RINT1: variants seen among roughly 807,000 people sequenced by gnomAD.
RINT1 encodes RAD50-interacting protein 1.
A neutral mutation model predicts 97.7 loss-of-function variants in RINT1; 75 were observed. That is an observed-to-expected ratio of 0.77 (90% CI 0.64 to 0.93). The LOEUF (loss-of-function observed/expected upper bound fraction) is 0.93, where lower values mean the gene tolerates loss of function less well. RINT1 is among the 40% of genes least tolerant of loss of function. The pLI is 0.00. For missense variants in RINT1, 892 were observed against 925.2 expected, an observed-to-expected ratio of 0.96 and a Z score of 0.47; for synonymous variants, 303 against 326.3, an observed-to-expected ratio of 0.93 and a Z score of 0.77.
At chr7:105,557,907 A>G (rs1408357157) in intron 11 of RINT1, among the ~76,000 whole-genome samples, 1 of 152,164 alleles carries the variant, frequency 6.6e-6, no homozygotes, top group African/African-American at 2.4e-5. Flanking sequence ...TTTTTTTCCT[A>G]TAAAAATAAC....
At chr7:105,552,198 T>C (rs920935546) in intron 10 of RINT1, among the ~76,000 whole-genome samples, 1 of 152,166 alleles carries the variant, frequency 6.6e-6, no homozygotes, top group African/African-American at 2.4e-5. Flanking sequence ...AATTTAAGGA[T>C]TTAAACATTG....
intron 4 of RINT1, 41 bp downstream of exon 4, chr7:105,542,690 T>C: frequency 6.2e-7 from 1 of 1,600,374 alleles, no homozygotes; most frequent in Non-Finnish European, 8.5e-7. Flanking sequence ...CTATTTTCCT[T>C]TGAGGCTTCT....
chr7:105,563,504 G>A (rs1002280921), intron 11 of RINT1, among the ~76,000 whole-genome samples: 1 of 152,042 alleles, frequency 6.6e-6, no homozygotes, highest in African/African-American at 2.4e-5. Flanking sequence ...GCTTATTTTT[G>A]TATTTTTAGT....
chr7:105,548,738 T>C (rs1790794251), intron 7 of RINT1, 28 bp downstream of exon 7: 1 of 1,572,290 alleles, frequency 6.4e-7, no homozygotes, highest in South Asian at 1.2e-5. Context: ...TTGTCCTTGG[T>C]TTTTATTGGT....
intron 4 of RINT1, 28 bp downstream of exon 4, chr7:105,542,677 T>G: frequency 6.2e-7 from 1 of 1,606,348 alleles, no homozygotes; most frequent in East Asian, 2.2e-5. Flanking sequence ...GTTCTCACAA[T>G]TACTATTTTC....
intron 2 of RINT1, chr7:105,535,794 T>A (rs1199797359): frequency 6.5e-6 from 2 of 306,016 alleles, no homozygotes; most frequent in Admixed American, 8.7e-5. Flanking sequence ...TGCCTTGGCC[T>A]CCCACAGTGC....
At chr7:105,536,465 T>A in intron 2 of RINT1, 100 bp from the exon 3 acceptor site, 1 of 877,632 alleles carries the variant, frequency 1.1e-6, no homozygotes, top group Non-Finnish European at 1.7e-6. Flanking sequence ...GGCAAAATTA[T>A]TAACTTTTGA....
chr7:105,558,941 C>G (rs945075111), intron 11 of RINT1, among the ~76,000 whole-genome samples: 2 of 151,982 alleles, frequency 1.3e-5, no homozygotes, highest in Admixed American at 1.3e-4. Context: ...GCCTGGGCAA[C>G]TCCCCCCGCC....
chr7:105,551,444 C>A, intron 9 of RINT1, 126 bp from the exon 10 acceptor site: 2 of 744,034 alleles, frequency 2.7e-6, no homozygotes, highest in Non-Finnish European at 4.2e-6. Flanking sequence ...TTTAGTACAA[C>A]CAGTGGGATA....
rs748983493 is a variant in RINT1 at position 105,536,628 on chromosome 7, A to T, written c.152A>T (p.Asp51Val). ...GTCAGTGAAGGTACAGATAATGGTG[A>T]TCTCCCTTCTTATGTGTCTGCATTC... ...KQVSEGTDNG[D>V]LPSYVSAFIE... The change falls in exon 3 of 15, where the codon GAT (aspartate) becomes GTT (valine). Residue 51 changes from aspartate to valine, a missense_variant. Transcript: ENST00000257700. The T allele has an allele frequency of 6.2e-7, 1 of 1,611,888 alleles. No individual in the cohort carries two copies. Among genetic ancestry groups the T allele is most frequent in the Non-Finnish European group, 8.5e-7 (1 of 1,178,836 alleles).
At chr7:105,541,354 C>G (rs1243459457) in intron 3 of RINT1, among the ~76,000 whole-genome samples, 1 of 151,504 alleles carries the variant, frequency 6.6e-6, no homozygotes, top group Non-Finnish European at 1.5e-5. Context: ...CCAGGCTGGT[C>G]TTGAACTCCT....
chr7:105,550,145 G>A lies in RINT1; in HGVS notation c.1087G>A (p.Gly363Ser). 6.2e-7 allele frequency: 1 copy of A among 1,613,430 alleles called. No homozygotes were observed. Among genetic ancestry groups the A allele is most frequent in the Non-Finnish European group, 8.5e-7 (1 of 1,179,458 alleles). ...EKIQPILDKV[G>S]SLVNARLEFS... ...GATTCAGCCAATATTAGACAAAGTA[G>A]GCTCTTTGGTAAACGCAAGGGTAAG... Residue 363 changes from glycine to serine, a missense_variant, in exon 8 of 15, where the codon GGC becomes AGC. By Grantham distance (56) the Gly-to-Ser change is moderately conservative. Transcript: ENST00000257700.
At chr7:105,543,142 G>A (rs1367741960) in intron 4 of RINT1, among the ~76,000 whole-genome samples, 1 of 151,944 alleles carries the variant, frequency 6.6e-6, no homozygotes, top group African/African-American at 2.4e-5. Flanking sequence ...CGCCAGCCTC[G>A]GCCGCTGGAA....
In RINT1 at chr7:105,550,291, G is replaced by C. The variant is rs1278571160; in HGVS notation, c.1138G>C (p.Val380Leu). 6.2e-7 allele frequency: 1 copy of C among 1,614,008 alleles called. No homozygotes were observed. The highest frequency in any genetic ancestry group is 1.1e-5 in the South Asian group (1 of 91,062). Residue 380 changes from valine (V) to leucine (L), a missense_variant, in exon 9 of 15, where the codon GTT becomes CTT. Coordinates refer to ENST00000257700, the MANE Select transcript of RINT1 (RefSeq NM_021930.6). ...LEFSRGLMML[V>L]LEKLATDIPC... is the part of the protein sequence containing the mutation. ...ATTTTCTCGGGGCCTTATGATGCTG[G>C]TTCTTGAGAAGTTAGCCACTGATAT...
intron 11 of RINT1, among the ~76,000 whole-genome samples, chr7:105,561,102 A>G (rs901146247): frequency 2.8e-5 from 2 of 71,216 alleles, no homozygotes; most frequent in Non-Finnish European, 5.2e-5. Flanking sequence ...GTTTTAGAGA[A>G]AAAAAAAAAA....
At chr7:105,538,700 C>A (rs1790342264) in intron 3 of RINT1, among the ~76,000 whole-genome samples, 1 of 151,946 alleles carries the variant, frequency 6.6e-6, no homozygotes, top group Non-Finnish European at 1.5e-5. Context: ...TTTTCCCTAG[C>A]AGAAAAAAAT....
chr7:105,547,806 C>T (rs1021374674), intron 6 of RINT1, among the ~76,000 whole-genome samples: 1 of 150,216 alleles, frequency 6.7e-6, no homozygotes, highest in Non-Finnish European at 1.5e-5. Context: ...CGGCTCACCA[C>T]AGCCTCCACC....
At chr7:105,532,743 T>TG in intron 1 of RINT1, 81 bp from the exon 2 acceptor site, 7 of 1,447,684 alleles carry the variant, frequency 4.8e-6, no homozygotes, top group Non-Finnish European at 6.8e-6. Flanking sequence ...TTGCCTCCAG[T>TG]GGGTGCCCTT....
intron 4 of RINT1, among the ~76,000 whole-genome samples, chr7:105,545,219 G>A (rs1329293678): frequency 6.6e-6 from 1 of 151,840 alleles, no homozygotes; most frequent in African/African-American, 2.4e-5. Context: ...GAGAGGCTGA[G>A]GTGGGCAGAT....
Sources: allele counts gnomAD v4.1 joint callset (sites outside exome capture counted in the v4.1 genomes callset), GRCh38; gene constraint gnomAD v4.1.1; transcripts MANE v1.5; gene names NCBI Gene and HGNC (gene_info 2026-07-23, HGNC 2026-07-21).